The following ZNF474 variants were observed in gnomAD, a reference collection of about 807,000 sequenced individuals.
ZNF474 encodes the protein zinc finger protein 474.
For synonymous variants in ZNF474, 192 were observed against 162.2 expected, an observed-to-expected ratio of 1.18 and a Z score of -1.39; for missense variants, 511 against 433.8, an observed-to-expected ratio of 1.18 and a Z score of -1.58.
At chr5:122,131,096 T>C (rs1376815458) in intron 1 of ZNF474, among the ~76,000 whole-genome samples, 3 of 151,914 alleles carry the variant, frequency 2.0e-5, no homozygotes, top group Non-Finnish European at 4.4e-5. Flanking sequence ...CAAATAAAAA[T>C]CACAAGGAGA....
chr5:122,143,037 T>C (rs370259966), intron 1 of ZNF474, among the ~76,000 whole-genome samples: 1 of 152,118 alleles, frequency 6.6e-6, no homozygotes, highest in Admixed American at 6.5e-5. Flanking sequence ...AGGGTGTTGA[T>C]GTCTGTAATG....
At chr5:122,138,050 G>A (rs1755748131) in intron 1 of ZNF474, among the ~76,000 whole-genome samples, 1 of 152,194 alleles carries the variant, frequency 6.6e-6, no homozygotes, top group African/African-American at 2.4e-5. Context: ...ATAAATTGAT[G>A]TAATATCACA....
chr5:122,138,953 C>G (rs2152604288), intron 1 of ZNF474, among the ~76,000 whole-genome samples: 1 of 152,212 alleles, frequency 6.6e-6, no homozygotes, highest in East Asian at 1.9e-4. Context: ...AAGACTTTTT[C>G]CATTTTGGTT....
chr5:122,145,995 A>G (rs1462232978), intron 1 of ZNF474, among the ~76,000 whole-genome samples: 4 of 152,142 alleles, frequency 2.6e-5, no homozygotes, highest in African/African-American at 4.8e-5. Flanking sequence ...GTCTGGTTTT[A>G]CAAATTTGGT....
intron 1 of ZNF474, among the ~76,000 whole-genome samples, chr5:122,140,029 TTTGCCTAGAAG>T (rs1240747137): frequency 6.6e-6 from 1 of 152,134 alleles, no homozygotes; most frequent in East Asian, 1.9e-4. Context: ...CTCTGAAAAG[TTTGCCTAGAAG>T]CTGGGCTAAC....
chr5:122,151,742 C>A, intron 1 of ZNF474, 37 bp from the exon 2 acceptor site: 18 of 324,998 alleles, frequency 5.5e-5, no homozygotes, highest in East Asian at 6.0e-5. Flanking sequence ...TGTGTGTTTA[C>A]ATAATAACTT....
At chr5:122,141,151 TTTTATTTTATTTTATTTTATTTTTGGA>T (rs1755832619) in intron 1 of ZNF474, among the ~76,000 whole-genome samples, 1 of 49,568 alleles carries the variant, frequency 2.0e-5, no homozygotes, top group Non-Finnish European at 7.7e-5. Context: ...TTTTATTTTA[TTTTATTTTATTTTATTTTATTTTTGGA>T]AACAGTCTAT....
rs371359992 is a variant in ZNF474 at position 122,153,091 on chromosome 5, C to A, written c.*6C>A. ...GTGGTGCCCTCTGCCTGTAGGGGAA[C>A]AAGAGAAAACTATCCCCAGAATCAG... is the stretch of plus-strand genomic sequence containing the variant. On this transcript the variant is annotated 3_prime_UTR_variant, in exon 2 of 2. Transcript: ENST00000296600. 1.1e-5 allele frequency: 17 copies of A among 1,593,828 alleles called. No homozygotes were observed. Among genetic ancestry groups the A allele is most frequent in the Non-Finnish European group, 1.4e-5 (16 of 1,169,350 alleles).
chr5:122,145,243 C>G (rs1421185813), intron 1 of ZNF474, among the ~76,000 whole-genome samples: 1 of 152,162 alleles, frequency 6.6e-6, no homozygotes, highest in South Asian at 2.1e-4. Context: ...CAAAGCCATG[C>G]CTCAGGCTAA....
At chr5:122,135,347 G>T (rs1755675378) in intron 1 of ZNF474, among the ~76,000 whole-genome samples, 1 of 151,998 alleles carries the variant, frequency 6.6e-6, no homozygotes, top group East Asian at 1.9e-4. Flanking sequence ...TGGGCAAAAG[G>T]TCTATATACA....
chr5:122,148,981 C>T (rs779573281), intron 1 of ZNF474, among the ~76,000 whole-genome samples: 6 of 152,122 alleles, frequency 3.9e-5, no homozygotes, highest in African/African-American at 1.2e-4. Context: ...CCGCCCACCT[C>T]GGCCTCCCAA....
chr5:122,148,237 A>C (rs1756041836), intron 1 of ZNF474, among the ~76,000 whole-genome samples: 1 of 152,336 alleles, frequency 6.6e-6, no homozygotes, highest in Middle Eastern at 3.4e-3. Context: ...ATTTCTCCAT[A>C]AGACACCTCC....
At chr5:122,140,753 A>G (rs1173816649) in intron 1 of ZNF474, among the ~76,000 whole-genome samples, 1 of 152,186 alleles carries the variant, frequency 6.6e-6, no homozygotes, top group East Asian at 1.9e-4. Flanking sequence ...GAATTTCCAA[A>G]TCTGGCTCAA....
intron 1 of ZNF474, among the ~76,000 whole-genome samples, chr5:122,139,597 A>G (rs1755784970): frequency 1.3e-5 from 2 of 152,110 alleles, no homozygotes; most frequent in South Asian, 2.1e-4. Context: ...TATTTTTTCC[A>G]TATAATTATG....
rs1228273352 is a variant in ZNF474 at position 122,151,760 on chromosome 5, C to G, written c.-212-19C>G. 2.1e-6 allele frequency: 1 copy of G among 467,630 alleles called. No individual in the cohort carries two copies. Among genetic ancestry groups the G allele is most frequent in the African/African-American group, 2.0e-5 (1 of 49,650 alleles). 29.0% of individuals were successfully genotyped at this position (467,630 alleles called of 1,614,324 possible). A position where few individuals can be genotyped will look rare whatever the true frequency, so the allele number is the denominator to read the frequency against. On this transcript the variant is annotated intron_variant, in intron 1 of 1. Transcript: ENST00000296600. ...GTGTTTACATAATAACTTCTTATGT[C>G]TCCCACCCGCCTCCACAGATCTTGG...
intron 1 of ZNF474, among the ~76,000 whole-genome samples, chr5:122,141,154 TA>T (rs1561439568): frequency 0.021 from 862 of 40,586 alleles, 50 homozygotes; most frequent in South Asian, 0.052. Context: ...TATTTTATTT[TA>T]TTTTATTTTA....
intron 1 of ZNF474, among the ~76,000 whole-genome samples, chr5:122,144,469 G>A (rs573043093): frequency 1.3e-5 from 2 of 152,236 alleles, no homozygotes; most frequent in African/African-American, 4.8e-5. Context: ...ACAGGAATGT[G>A]GGCTCTGTTC....
intron 1 of ZNF474, among the ~76,000 whole-genome samples, chr5:122,145,180 A>C (rs922578129): frequency 9.2e-5 from 14 of 152,238 alleles, no homozygotes; most frequent in African/African-American, 3.1e-4. Flanking sequence ...GACAAAGAAA[A>C]GGAATTTTTT....
chr5:122,152,948 T>G lies in ZNF474; in HGVS notation c.958T>G (p.Leu320Val). ...PYGPKYQNLN[L>V]GSKGGLKEYT... Reference sequence around the variant, plus strand: ...TGGGCCAAAATATCAGAATTTGAATTTAGGGAGTAAAGGAGGCCTAAAAGA... The same window carrying G: ...TGGGCCAAAATATCAGAATTTGAATGTAGGGAGTAAAGGAGGCCTAAAAGA... The change falls in exon 2 of 2, where the codon TTA (leucine) becomes GTA (valine). Residue 320 changes from leucine (L) to valine (V), a missense_variant. Transcript: ENST00000296600. The G allele has an allele frequency of 6.2e-7, 1 of 1,614,036 alleles. No homozygotes were observed. Among genetic ancestry groups the G allele is most frequent in the Non-Finnish European group, 8.5e-7 (1 of 1,180,032 alleles).
Sources: allele counts gnomAD v4.1 joint callset (sites outside exome capture counted in the v4.1 genomes callset), GRCh38; gene constraint gnomAD v4.1.1; transcripts MANE v1.5; gene names NCBI Gene and HGNC (gene_info 2026-07-23, HGNC 2026-07-21).